The following SLC9A9 variants were observed in gnomAD, a reference collection of about 807,000 sequenced individuals.
SLC9A9 encodes solute carrier family 9 member A9.
A neutral mutation model predicts 77.8 loss-of-function variants in SLC9A9; 62 were observed. The observed-to-expected ratio is 0.80, with a 90% CI of 0.65 to 0.98. The LOEUF is 0.98. SLC9A9 is among the 50% of genes least tolerant of loss of function. SLC9A9 has a pLI of 0.00. For missense variants in SLC9A9, 775 were observed against 774.9 expected, an observed-to-expected ratio of 1.00 and a Z score of 0.00; for synonymous variants, 320 against 283.5, an observed-to-expected ratio of 1.13 and a Z score of -1.29.
intron 4 of SLC9A9, among the ~76,000 whole-genome samples, chr3:143,730,235 C>T (rs534171062): frequency 7.2e-5 from 11 of 152,296 alleles, no homozygotes; most frequent in African/African-American, 1.2e-4. Flanking sequence ...GACTTTGGCA[C>T]GACTGTGAAA....
chr3:143,782,477 T>C (rs2007914402), intron 4 of SLC9A9, among the ~76,000 whole-genome samples: 1 of 152,182 alleles, frequency 6.6e-6, no homozygotes, highest in South Asian at 2.1e-4. Flanking sequence ...GCTTACAAGT[T>C]CTGGAGTCAG....
chr3:143,713,236 A>G (rs1193817013), intron 4 of SLC9A9, among the ~76,000 whole-genome samples: 1 of 152,196 alleles, frequency 6.6e-6, no homozygotes, highest in Admixed American at 6.5e-5. Context: ...TATTGTGCAG[A>G]CCTTGGGACA....
chr3:143,732,757 T>C (rs1934838909), intron 4 of SLC9A9, among the ~76,000 whole-genome samples: 1 of 152,218 alleles, frequency 6.6e-6, no homozygotes, highest in African/African-American at 2.4e-5. Context: ...AGCTATCTTT[T>C]ATAAAGGAGA....
At chr3:143,511,267 A>G (rs939317084) in intron 9 of SLC9A9, among the ~76,000 whole-genome samples, 1 of 152,170 alleles carries the variant, frequency 6.6e-6, no homozygotes, top group Non-Finnish European at 1.5e-5. Context: ...GTTTCTGGCT[A>G]CTGTCCAAGC....
intron 5 of SLC9A9, among the ~76,000 whole-genome samples, chr3:143,679,172 G>A (rs1932998165): frequency 6.6e-6 from 1 of 152,106 alleles, no homozygotes; most frequent in Admixed American, 6.6e-5. Flanking sequence ...TCTGCCATTT[G>A]GCTTACTTGC....
At chr3:143,511,588 A>C (rs1372669142) in intron 9 of SLC9A9, among the ~76,000 whole-genome samples, 1 of 152,242 alleles carries the variant, frequency 6.6e-6, no homozygotes, top group African/African-American at 2.4e-5. Context: ...GTACTAAGCC[A>C]AGGCTCAGTG....
At chr3:143,305,949 C>T (rs1051653937) in intron 14 of SLC9A9, among the ~76,000 whole-genome samples, 27 of 152,212 alleles carry the variant, frequency 1.8e-4, no homozygotes, top group Admixed American at 1.1e-3. Context: ...ATGGACAAAA[C>T]GGTCTAACAA....
At chr3:143,500,475 C>A (rs1482362444) in intron 9 of SLC9A9, among the ~76,000 whole-genome samples, 1 of 152,070 alleles carries the variant, frequency 6.6e-6, no homozygotes, top group Admixed American at 6.5e-5. Context: ...TTTATTATTT[C>A]CTGCCTTCAA....
At chr3:143,761,954 A>G (rs1480739521) in intron 4 of SLC9A9, among the ~76,000 whole-genome samples, 4 of 152,214 alleles carry the variant, frequency 2.6e-5, no homozygotes, top group African/African-American at 9.6e-5. Flanking sequence ...ATGTCCATCA[A>G]TGATAGACTG....
intron 6 of SLC9A9, among the ~76,000 whole-genome samples, chr3:143,634,012 C>T (rs967285593): frequency 2.8e-4 from 42 of 152,176 alleles, no homozygotes; most frequent in African/African-American, 9.9e-4. Flanking sequence ...ACATTCTTTC[C>T]CTCAGAAGTG....
intron 6 of SLC9A9, among the ~76,000 whole-genome samples, chr3:143,644,222 C>A (rs1167810055): frequency 6.6e-6 from 1 of 152,196 alleles, no homozygotes; most frequent in Non-Finnish European, 1.5e-5. Context: ...GGGTTTCTAT[C>A]ACTTTCATCA....
At chr3:143,345,422 T>C (rs1051719825) in intron 14 of SLC9A9, among the ~76,000 whole-genome samples, 15 of 152,134 alleles carry the variant, frequency 9.9e-5, no homozygotes, top group Admixed American at 9.2e-4. Flanking sequence ...AACAGTATCA[T>C]ATATGTTGCT....
At chr3:143,828,175 A>G (rs1436132900) in intron 2 of SLC9A9, among the ~76,000 whole-genome samples, 4 of 152,196 alleles carry the variant, frequency 2.6e-5, no homozygotes, top group Non-Finnish European at 5.9e-5. Context: ...TTATCCATAT[A>G]TGCACAGCTA....
At chr3:143,572,366 T>G (rs777165662) in intron 8 of SLC9A9, among the ~76,000 whole-genome samples, 15 of 152,050 alleles carry the variant, frequency 9.9e-5, no homozygotes, top group Non-Finnish European at 2.1e-4. Flanking sequence ...TTAAAAAATA[T>G]TAGGTGAGTT....
chr3:143,591,451 T>C (rs1441776318), intron 6 of SLC9A9, among the ~76,000 whole-genome samples: 4 of 152,268 alleles, frequency 2.6e-5, no homozygotes, highest in Non-Finnish European at 5.9e-5. Flanking sequence ...TCTTAACTTA[T>C]ATGTTTCTAG....
chr3:143,522,111 G>A (rs890088541), intron 9 of SLC9A9, among the ~76,000 whole-genome samples: 2 of 151,974 alleles, frequency 1.3e-5, no homozygotes, highest in Non-Finnish European at 2.9e-5. Context: ...TGTGTCTCTC[G>A]ACCTCATAGC....
intron 12 of SLC9A9, among the ~76,000 whole-genome samples, chr3:143,425,715 C>T (rs2034391347): frequency 6.6e-6 from 1 of 152,198 alleles, no homozygotes; most frequent in African/African-American, 2.4e-5. Context: ...ACCCAGAGTT[C>T]TTTTCCAGTT....
chr3:143,763,094 A>T (rs993588137), intron 4 of SLC9A9, among the ~76,000 whole-genome samples: 1 of 152,086 alleles, frequency 6.6e-6, no homozygotes, highest in African/African-American at 2.4e-5. Context: ...ATATGTCTGT[A>T]GAAGAGCCAG....
chr3:143,751,893 G>C (rs1021629787), intron 4 of SLC9A9, among the ~76,000 whole-genome samples: 1 of 152,284 alleles, frequency 6.6e-6, no homozygotes, highest in East Asian at 1.9e-4. Flanking sequence ...GCACTGCGTT[G>C]AGTGGAGTGT....
Sources: gnomAD v4.1 joint callset for allele counts (sites outside exome capture counted in the v4.1 genomes callset) on GRCh38, gnomAD v4.1.1 for gene constraint, MANE v1.5 for transcripts, NCBI Gene and HGNC (gene_info 2026-07-23, HGNC 2026-07-21) for gene names.